SOX6: variants seen among roughly 807,000 people sequenced by gnomAD.
SOX6 encodes the protein SRY-box transcription factor 6.
In SOX6, 11 loss-of-function variants were observed where a neutral mutation model predicts 97.8. That is an observed-to-expected ratio of 0.11 (90% CI 0.07 to 0.19). SOX6 has a LOEUF of 0.19. SOX6 is among the 10% of genes least tolerant of loss of function. The pLI, the probability that SOX6 is intolerant of heterozygous loss-of-function variation, is 1.00. For synonymous variants in SOX6, 360 were observed against 371.4 expected (o/e 0.97, Z 0.35); for missense variants, 810 against 1,039.5 (o/e 0.78, Z 3.04).
intron 1 of SOX6, among the ~76,000 whole-genome samples, chr11:16,409,966 C>A (rs184430876): frequency 6.6e-6 from 1 of 152,210 alleles, no homozygotes; most frequent in African/African-American, 2.4e-5. Flanking sequence ...AACAACTGAA[C>A]TCAATAGAAG....
chr11:16,522,823 T>C (rs879789697), intron 4 of SOX6, among the ~76,000 whole-genome samples: 25 of 152,248 alleles, frequency 1.6e-4, no homozygotes, highest in Non-Finnish European at 3.5e-4. Flanking sequence ...AAGGCATGGG[T>C]TGCAATCCTA....
chr11:16,047,472 A>C lies in SOX6; in HGVS notation c.1436-771T>G, dbSNP rs189260264. 2.1e-3 allele frequency among the ~76,000 whole-genome samples: 317 copies of C among 152,280 alleles called. 2 individuals are homozygous for C. The highest frequency in any genetic ancestry group is 2.9e-3 in the Non-Finnish European group (195 of 68,018). ...AAAGCTTCAAAAAAAAAGTGAGAATAAATATTTACTTCCAGTGTATTTCAA... is the reference window on the plus strand; with the variant it reads ...AAAGCTTCAAAAAAAAAGTGAGAATCAATATTTACTTCCAGTGTATTTCAA... On this transcript the variant is annotated intron_variant, in intron 11 of 15. Coordinates refer to ENST00000683767, the MANE Select transcript of SOX6 (RefSeq NM_001367873.1).
At chr11:16,069,397 C>T (rs1056543943) in intron 9 of SOX6, among the ~76,000 whole-genome samples, 3 of 152,122 alleles carry the variant, frequency 2.0e-5, no homozygotes, top group Admixed American at 6.5e-5. Context: ...TCTTAGTGAA[C>T]TGCAAATAGA....
chr11:16,512,940 G>A (rs927283632), intron 4 of SOX6, among the ~76,000 whole-genome samples: 1 of 152,160 alleles, frequency 6.6e-6, no homozygotes, highest in African/African-American at 2.4e-5. Flanking sequence ...AAAATCAATA[G>A]TCTCAACATC....
chr11:16,474,893 G>A (rs1860205848), intron 1 of SOX6, among the ~76,000 whole-genome samples: 1 of 152,190 alleles, frequency 6.6e-6, no homozygotes, highest in African/African-American at 2.4e-5. Flanking sequence ...TACACTGAAA[G>A]TCTGTGGTTT....
chr11:16,087,413 C>T (rs1848602038), intron 9 of SOX6, among the ~76,000 whole-genome samples: 1 of 152,078 alleles, frequency 6.6e-6, no homozygotes, highest in African/African-American at 2.4e-5. Context: ...TCCTATAAAA[C>T]CTAATGAACA....
intron 12 of SOX6, among the ~76,000 whole-genome samples, chr11:16,038,189 T>A (rs1855566137): frequency 6.6e-6 from 1 of 152,164 alleles, no homozygotes; most frequent in South Asian, 2.1e-4. Context: ...CCATTTTATA[T>A]AAGAGTCTTG....
chr11:16,265,263 T>TGCTCATAA (rs764739544), intron 3 of SOX6, among the ~76,000 whole-genome samples: 59 of 151,904 alleles, frequency 3.9e-4, no homozygotes, highest in Non-Finnish European at 7.4e-4. Context: ...CCATCCCAGC[T>TGCTCATAA]GCTCATAAAG....
At chr11:16,283,084 AATTTG>A (rs1298166861) in intron 3 of SOX6, among the ~76,000 whole-genome samples, 1 of 31,644 alleles carries the variant, frequency 3.2e-5, no homozygotes, top group Non-Finnish European at 6.5e-5. Flanking sequence ...AATTATATAT[AATTTG>A]TATATATATA....
chr11:16,159,046 T>C (rs551518844), intron 6 of SOX6, among the ~76,000 whole-genome samples: 2 of 152,144 alleles, frequency 1.3e-5, no homozygotes, highest in South Asian at 2.1e-4. Flanking sequence ...AGAAAGACAA[T>C]GCAAATAGTC....
intron 1 of SOX6, among the ~76,000 whole-genome samples, chr11:16,466,519 G>A (rs1468547746): frequency 6.6e-6 from 1 of 151,680 alleles, no homozygotes; most frequent in South Asian, 2.1e-4. Context: ...AGAAACTATC[G>A]ACAGAGTAAA....
Position 16,528,335 on chromosome 11 carries a change from T to C in SOX6, n.610-51947A>G, listed in dbSNP as rs143067021. On this transcript the variant is annotated intron_variant and non_coding_transcript_variant, in intron 4 of 5. Coordinates refer to the SOX6 transcript ENST00000524520. ...CATAAGTTATCTCACTTACATCTCA[T>C]ACCAATATTTCAAGGAAGACGTTAT... 4.3e-3 allele frequency among the ~76,000 whole-genome samples: 650 copies of C among 152,244 alleles called. 1 individual carries two copies. The highest frequency in any genetic ancestry group is 0.015 in the African/African-American group (619 of 41,554).
At chr11:16,397,568 T>C (rs1332609490) in intron 1 of SOX6, 1 of 151,968 alleles carries the variant, frequency 6.6e-6, no homozygotes, top group African/African-American at 2.4e-5. Context: ...TAATCAACTT[T>C]CTAGATAGTT....
At chr11:16,191,842 G>GTT (rs780977559) in intron 4 of SOX6, among the ~76,000 whole-genome samples, 1 of 137,700 alleles carries the variant, frequency 7.3e-6, no homozygotes, top group Non-Finnish European at 1.6e-5. Context: ...GTGCAGCAGG[G>GTT]TTTTTTTTTT....
chr11:16,592,705 C>T (rs904057343), intron 4 of SOX6, among the ~76,000 whole-genome samples: 1 of 151,352 alleles, frequency 6.6e-6, no homozygotes, highest in Admixed American at 6.6e-5. Flanking sequence ...ATACAAATGT[C>T]CTATTTTATT....
At chr11:16,512,886 A>G (rs1860902237) in intron 4 of SOX6, among the ~76,000 whole-genome samples, 1 of 152,230 alleles carries the variant, frequency 6.6e-6, no homozygotes, top group Non-Finnish European at 1.5e-5. Context: ...TGCCTGAGTA[A>G]TCAGGGTCCA....
intron 3 of SOX6, among the ~76,000 whole-genome samples, chr11:16,257,009 G>A (rs1353421214): frequency 6.6e-6 from 1 of 151,708 alleles, no homozygotes; most frequent in Non-Finnish European, 1.5e-5. Flanking sequence ...AATAAAATAT[G>A]TAAAAATCTA....
intron 15 of SOX6, among the ~76,000 whole-genome samples, chr11:15,983,333 T>C (rs1375237131): frequency 2.6e-5 from 4 of 152,088 alleles, no homozygotes; most frequent in Non-Finnish European, 5.9e-5. Context: ...TTCCATATTA[T>C]TGATAAATTC....
intron 9 of SOX6, among the ~76,000 whole-genome samples, chr11:16,077,973 T>A (rs953351195): frequency 1.3e-5 from 2 of 152,212 alleles, no homozygotes; most frequent in Non-Finnish European, 2.9e-5. Flanking sequence ...TCAATCTCTC[T>A]CTCTCTGCTT....
Sources: gnomAD v4.1 joint callset for allele counts (sites outside exome capture counted in the v4.1 genomes callset) on GRCh38, gnomAD v4.1.1 for gene constraint, MANE v1.5 for transcripts, NCBI Gene and HGNC (gene_info 2026-07-23, HGNC 2026-07-21) for gene names.